The following AGBL4 variants were observed in gnomAD, a reference collection of about 807,000 sequenced individuals.
The protein encoded by AGBL4 is AGBL carboxypeptidase 4, also known as cytosolic carboxypeptidase 6.
In AGBL4, 58 loss-of-function variants were observed where a neutral mutation model predicts 66.4. The ratio of observed to expected loss-of-function variants is 0.87; its 90% CI spans 0.71 to 1.09. The LOEUF (loss-of-function observed/expected upper bound fraction) is 1.09. Among genes scored for constraint, AGBL4 ranks in the 50% least tolerant of loss-of-function variants. The pLI is 0.00. For synonymous variants in AGBL4, 234 were observed against 222.9 expected, an observed-to-expected ratio of 1.05 and a Z score of -0.44; for missense variants, 579 against 631.0, an observed-to-expected ratio of 0.92 and a Z score of 0.88.
intron 3 of AGBL4, among the ~76,000 whole-genome samples, chr1:49,481,173 A>C (rs1646949010): frequency 6.6e-6 from 1 of 152,066 alleles, no homozygotes; most frequent in Admixed American, 6.6e-5. Context: ...GAAGAATGTC[A>C]GTGGTAGTGT....
intron 5 of AGBL4, among the ~76,000 whole-genome samples, chr1:48,931,118 A>T (rs1162663042): frequency 6.6e-6 from 1 of 152,250 alleles, no homozygotes; most frequent in East Asian, 1.9e-4. Flanking sequence ...TATTTCTCCA[A>T]ATGGTTGCAT....
At chr1:49,461,846 C>T (rs1444290327) in intron 3 of AGBL4, among the ~76,000 whole-genome samples, 1 of 151,730 alleles carries the variant, frequency 6.6e-6, no homozygotes, top group Non-Finnish European at 1.5e-5. Flanking sequence ...ATACGTGTCA[C>T]ATTTTCTTTA....
intron 4 of AGBL4, among the ~76,000 whole-genome samples, chr1:49,198,695 A>G (rs752704953): frequency 6.6e-6 from 1 of 152,132 alleles, no homozygotes; most frequent in African/African-American, 2.4e-5. Flanking sequence ...GTATGCTGGA[A>G]AAGCATTGTT....
chr1:49,601,092 G>C (rs1015366339), intron 3 of AGBL4, among the ~76,000 whole-genome samples: 12 of 152,176 alleles, frequency 7.9e-5, no homozygotes, highest in Admixed American at 4.6e-4. Flanking sequence ...TGGTGAATCT[G>C]ACAATTGTGT....
chr1:49,028,642 T>C (rs1231915336), intron 5 of AGBL4, among the ~76,000 whole-genome samples: 1 of 152,044 alleles, frequency 6.6e-6, no homozygotes, highest in East Asian at 1.9e-4. Context: ...GCAGAAACAA[T>C]AGAGGGCTGA....
intron 5 of AGBL4, among the ~76,000 whole-genome samples, chr1:48,977,360 T>C (rs1205245559): frequency 6.6e-6 from 1 of 152,172 alleles, no homozygotes; most frequent in Non-Finnish European, 1.5e-5. Context: ...TATGAGATGA[T>C]CTAATAAAGT....
At chr1:48,637,459 G>A (rs1645685676) in intron 8 of AGBL4, among the ~76,000 whole-genome samples, 1 of 152,184 alleles carries the variant, frequency 6.6e-6, no homozygotes, top group Non-Finnish European at 1.5e-5. Context: ...ATTACAAGAT[G>A]AGGCATGATT....
In AGBL4 at chr1:48,760,882, T is replaced by C. The variant is rs562971295; in HGVS notation, c.635-97641A>G. Among the ~76,000 whole-genome samples the C allele has an allele frequency of 5.3e-5, 8 of 152,322 alleles. No homozygotes were observed. The South Asian group carries it at 1.0e-3, about 20-fold the overall frequency. ...AAAATGCAACCTCATGCAAATGTTT[T>C]CATCTAACCCGAGGTCTCACAAATC... On this transcript the variant is annotated intron_variant, in intron 6 of 13. Coordinates refer to ENST00000371839, the MANE Select transcript of AGBL4 (RefSeq NM_032785.4).
chr1:48,784,105 T>C (rs1645358202), intron 6 of AGBL4, among the ~76,000 whole-genome samples: 2 of 152,158 alleles, frequency 1.3e-5, no homozygotes, highest in Non-Finnish European at 2.9e-5. Flanking sequence ...TTTCTTAATC[T>C]CTTCAAGCAT....
At chr1:49,720,495 T>C (rs1648516312) in intron 2 of AGBL4, among the ~76,000 whole-genome samples, 1 of 152,198 alleles carries the variant, frequency 6.6e-6, no homozygotes, top group African/African-American at 2.4e-5. Flanking sequence ...ACATAGCAGC[T>C]ATTCTGCTAT....
At chr1:49,485,143 A>G (rs1031800072) in intron 3 of AGBL4, among the ~76,000 whole-genome samples, 35 of 151,960 alleles carry the variant, frequency 2.3e-4, no homozygotes, top group African/African-American at 8.0e-4. Context: ...TGCTGCTATA[A>G]AGACACATGC....
intron 4 of AGBL4, among the ~76,000 whole-genome samples, chr1:49,104,416 T>C (rs1319795396): frequency 6.6e-6 from 1 of 152,224 alleles, no homozygotes; most frequent in Non-Finnish European, 1.5e-5. Flanking sequence ...TTATTTTTTT[T>C]CAGAGATTAG....
intron 4 of AGBL4, among the ~76,000 whole-genome samples, chr1:49,145,675 AACCT>A (rs1450228875): frequency 1.3e-5 from 2 of 152,168 alleles, no homozygotes; most frequent in Admixed American, 6.5e-5. Context: ...AGTGAGTAAG[AACCT>A]CGACTTCACG....
chr1:48,926,642 G>A (rs1044543920), intron 5 of AGBL4, among the ~76,000 whole-genome samples: 5 of 151,962 alleles, frequency 3.3e-5, no homozygotes, highest in Admixed American at 6.6e-5. Flanking sequence ...CAGCTGAATT[G>A]CTTTGCTACC....
At chr1:49,964,497 G>A (rs1158061059) in intron 1 of AGBL4, among the ~76,000 whole-genome samples, 1 of 152,008 alleles carries the variant, frequency 6.6e-6, no homozygotes, top group Admixed American at 6.6e-5. Flanking sequence ...TTATCTCTAA[G>A]AATCTATTTT....
intron 3 of AGBL4, among the ~76,000 whole-genome samples, chr1:49,612,934 A>T (rs1280544689): frequency 1.3e-5 from 2 of 152,218 alleles, no homozygotes; most frequent in Admixed American, 1.3e-4. Flanking sequence ...ATGCACCTTT[A>T]TGGGCATTTG....
chr1:48,858,996 C>T (rs1457566343), intron 6 of AGBL4, among the ~76,000 whole-genome samples: 1 of 151,934 alleles, frequency 6.6e-6, no homozygotes, highest in Non-Finnish European at 1.5e-5. Context: ...TTGCACATAT[C>T]TACCCATTTG....
chr1:49,871,222 G>A (rs1409021246), intron 1 of AGBL4, among the ~76,000 whole-genome samples: 1 of 151,662 alleles, frequency 6.6e-6, no homozygotes, highest in Non-Finnish European at 1.5e-5. Context: ...TAATTAAAAA[G>A]CTATAAAATA....
intron 4 of AGBL4, among the ~76,000 whole-genome samples, chr1:49,083,569 G>T (rs1116166): frequency 6.6e-6 from 1 of 152,192 alleles, no homozygotes; most frequent in East Asian, 1.9e-4. Context: ...TAAGAGCGGG[G>T]GGCCCTGGGC....
Sources: allele counts gnomAD v4.1 joint callset (sites outside exome capture counted in the v4.1 genomes callset), GRCh38; gene constraint gnomAD v4.1.1; transcripts MANE v1.5; gene names NCBI Gene and HGNC (gene_info 2026-07-23, HGNC 2026-07-21).